The following RNF138 variants were observed in gnomAD, a reference collection of about 807,000 sequenced individuals.
The protein encoded by RNF138 is ring finger protein 138, also known as E3 ubiquitin-protein ligase RNF138.
RNF138 carries 12 observed loss-of-function variants against 31.0 expected under a neutral mutation model. The observed-to-expected ratio is 0.39, with a 90% CI of 0.25 to 0.63. The LOEUF is 0.63. RNF138 is among the 20% of genes least tolerant of loss of function. The pLI is 0.52. For missense variants in RNF138, 192 were observed against 300.1 expected, an observed-to-expected ratio of 0.64 and a Z score of 2.66; for synonymous variants, 105 against 99.5, an observed-to-expected ratio of 1.06 and a Z score of -0.33.
chr18:32,103,985 C>G (rs73415859), intron 2 of RNF138, among the ~76,000 whole-genome samples: 11,661 of 149,408 alleles, frequency 0.078, 591 homozygotes, highest in African/African-American at 0.13. Context: ...AAGAAAACTT[C>G]ATAGCAAATT....
At chr18:32,103,155 A>G (rs2144578260) in intron 2 of RNF138, among the ~76,000 whole-genome samples, 2 of 152,146 alleles carry the variant, frequency 1.3e-5, no homozygotes, top group Admixed American at 1.3e-4. Flanking sequence ...CTTTTTTAGT[A>G]AAAATTCATT....
intron 4 of RNF138, among the ~76,000 whole-genome samples, chr18:32,114,211 A>G (rs1368945113): frequency 2.0e-5 from 3 of 152,206 alleles, no homozygotes; most frequent in African/African-American, 7.2e-5. Flanking sequence ...TGTATTTGCA[A>G]ACTACAACCT....
At chr18:32,102,358 C>T (rs755477916) in intron 2 of RNF138, among the ~76,000 whole-genome samples, 10 of 151,416 alleles carry the variant, frequency 6.6e-5, no homozygotes, top group Non-Finnish European at 1.0e-4. Context: ...CCCGCCGCCA[C>T]GCCCGGCTAA....
chr18:32,126,090 A>G (rs1412748464), intron 6 of RNF138, among the ~76,000 whole-genome samples: 1 of 152,126 alleles, frequency 6.6e-6, no homozygotes, highest in African/African-American at 2.4e-5. Context: ...TTTAAGATGT[A>G]CTTCATTTAA....
intron 2 of RNF138, among the ~76,000 whole-genome samples, chr18:32,097,878 A>G (rs1203537108): frequency 2.6e-5 from 4 of 151,666 alleles, no homozygotes; most frequent in African/African-American, 7.3e-5. Context: ...ATATATATGT[A>G]TATATGTGTA....
chr18:32,094,143 T>C (rs1425917863), intron 2 of RNF138, among the ~76,000 whole-genome samples: 1 of 152,202 alleles, frequency 6.6e-6, no homozygotes, highest in Non-Finnish European at 1.5e-5. Context: ...TACGTGTGTT[T>C]GCAAACAACT....
At chr18:32,109,157 C>CT (rs200179767) in intron 2 of RNF138, among the ~76,000 whole-genome samples, 54,189 of 143,200 alleles carry the variant, frequency 0.38, 11,243 homozygotes, top group Admixed American at 0.53. Flanking sequence ...CTTTTTCTTT[C>CT]TTTTTTTTTT....
intron 2 of RNF138, among the ~76,000 whole-genome samples, 197 bp from the exon 3 acceptor site, chr18:32,111,557 T>G (rs2040130535): frequency 6.6e-6 from 1 of 152,370 alleles, no homozygotes; most frequent in South Asian, 2.1e-4. Flanking sequence ...TGTTCAAATA[T>G]TCCCATCTAG....
chr18:32,092,085 A>T lies in RNF138; in HGVS notation c.-228A>T, dbSNP rs1203590901. 2.6e-5 allele frequency: 4 copies of T among 152,606 alleles called. No homozygotes were observed. Among genetic ancestry groups the T allele is most frequent in the Non-Finnish European group, 4.4e-5 (3 of 68,304 alleles). 9.5% of individuals were successfully genotyped at this position (152,606 alleles called of 1,614,324 possible). ...CCGGCCCCGTTAGGGGCCGATAAGC[A>T]CAGCGCACGCCGCCCTCCATTTGCC... is the stretch of plus-strand genomic sequence containing the variant. On this transcript the variant is annotated 5_prime_UTR_variant, in exon 1 of 8. Coordinates refer to ENST00000261593, the MANE Select transcript of RNF138 (RefSeq NM_016271.5).
At chr18:32,094,339 G>A (rs552501194) in intron 2 of RNF138, among the ~76,000 whole-genome samples, 13 of 151,864 alleles carry the variant, frequency 8.6e-5, no homozygotes, top group Non-Finnish European at 1.8e-4. Flanking sequence ...AATCTTAACT[G>A]CACTGTCTAC....
chr18:32,119,073 T>C (rs1216046592), intron 4 of RNF138, among the ~76,000 whole-genome samples: 1 of 152,228 alleles, frequency 6.6e-6, no homozygotes, highest in East Asian at 1.9e-4. Context: ...ATTTGGGATG[T>C]ATAATGTGAG....
intron 2 of RNF138, among the ~76,000 whole-genome samples, chr18:32,105,311 G>A (rs2040011053): frequency 6.6e-6 from 1 of 152,092 alleles, no homozygotes; most frequent in Non-Finnish European, 1.5e-5. Context: ...GGCTGGTCTT[G>A]AACTCCTGAC....
At chr18:32,126,836 T>TAC in intron 7 of RNF138, 36 bp downstream of exon 7, 1 of 1,239,258 alleles carries the variant, frequency 8.1e-7, no homozygotes. Context: ...AAGTACTGTT[T>TAC]AAATATTAAA....
intron 4 of RNF138, among the ~76,000 whole-genome samples, chr18:32,119,505 A>G (rs958635181): frequency 6.6e-6 from 1 of 151,984 alleles, no homozygotes; most frequent in East Asian, 1.9e-4. Flanking sequence ...GCTCACTACA[A>G]CCTCTGCCTC....
At chr18:32,112,780 A>G (rs964107443) in intron 3 of RNF138, among the ~76,000 whole-genome samples, 2 of 152,220 alleles carry the variant, frequency 1.3e-5, no homozygotes, top group African/African-American at 4.8e-5. Context: ...TTAATTCTCT[A>G]ATCTGGATTT....
In RNF138 at chr18:32,111,889, T is replaced by C; in HGVS notation, c.246T>C (p.Phe82=). The change falls in exon 3 of 8, where the codon TTT becomes TTC. Residue 82 remains phenylalanine, a synonymous_variant. Coordinates refer to ENST00000261593, the MANE Select transcript of RNF138 (RefSeq NM_016271.5). ...ACCTTGAAAATATAATGAGGAAGTTTTCTGGTAGCTGCAGATGCTGTGCAA... is the reference window on the plus strand; with the variant it reads ...ACCTTGAAAATATAATGAGGAAGTTCTCTGGTAGCTGCAGATGCTGTGCAA... The part of the protein sequence containing the change: ...ALDLENIMRK[F]SGSCRCCAKQ... 2 of 1,613,234 alleles carry C rather than the reference T, an allele frequency of 1.2e-6. No individual in the cohort carries two copies. The highest frequency in any genetic ancestry group is 1.7e-6 in the Non-Finnish European group (2 of 1,179,724).
At position 32,125,127 on chromosome 18, in the gene RNF138, G is replaced by A. The variant is rs1466819561; in HGVS notation, c.561+282G>A. On this transcript the variant is annotated intron_variant, in intron 6 of 7. Coordinates refer to ENST00000261593, the MANE Select transcript of RNF138 (RefSeq NM_016271.5). ...AAAGATGAACCGGGAACTCATTCCT[G>A]CGCAGTAGCACAACCTGTCTATTGA... is the stretch of plus-strand genomic sequence containing the variant. 15 of 259,242 alleles carry A rather than the reference G, an allele frequency of 5.8e-5. No homozygotes were observed. The Admixed American group carries it at 7.1e-4, about 12-fold the overall frequency. 16.1% of individuals were successfully genotyped at this position (259,242 alleles called of 1,614,324 possible). A position where few individuals can be genotyped will look rare whatever the true frequency, so the allele number is the denominator to read the frequency against.
intron 2 of RNF138, among the ~76,000 whole-genome samples, chr18:32,100,262 A>G (rs2039904402): frequency 6.6e-6 from 1 of 151,064 alleles, no homozygotes; most frequent in Non-Finnish European, 1.5e-5. Context: ...GTAAAATTGG[A>G]CATAAGAGAC....
At chr18:32,116,312 C>A (rs563830598) in intron 4 of RNF138, among the ~76,000 whole-genome samples, 53 of 152,104 alleles carry the variant, frequency 3.5e-4, no homozygotes, top group Non-Finnish European at 6.9e-4. Flanking sequence ...TCTAGAATTT[C>A]TTCTTCTTGG....
Sources: allele counts gnomAD v4.1 joint callset (sites outside exome capture counted in the v4.1 genomes callset), GRCh38; gene constraint gnomAD v4.1.1; transcripts MANE v1.5; gene names NCBI Gene and HGNC (gene_info 2026-07-23, HGNC 2026-07-21).